Variants in ADH1C observed in about 807,000 individuals in gnomAD.
ADH1C encodes alcohol dehydrogenase 1C.
Under a neutral mutation model 35.0 loss-of-function variants are expected in ADH1C, and 26 were observed. That is an observed-to-expected ratio of 0.74 (90% CI 0.54 to 1.03). The LOEUF is 1.03. Among genes scored for constraint, ADH1C ranks in the 50% least tolerant of loss-of-function variants. The pLI, the probability that ADH1C is intolerant of heterozygous loss-of-function variation, is 0.00. For synonymous variants in ADH1C, 170 were observed against 169.3 expected (o/e 1.00, Z -0.03); for missense variants, 413 against 465.4 (o/e 0.89, Z 1.04).
rs1428082901 is a variant in ADH1C at position 99,352,728 on chromosome 4, C to A, written c.-53G>T. On this transcript the variant is annotated 5_prime_UTR_variant, in exon 1 of 9. An upstream open reading frame in the 5' UTR gains an earlier in-frame stop. Transcript: ENST00000515683. ...GAGGCTGGTGAGTACTTGTGGATTT[C>A]TTCTCTGCTTGAGTGCATAAAGCAG... 22 of 1,592,530 alleles carry A rather than the reference C, an allele frequency of 1.4e-5. No individual in the cohort carries two copies. The East Asian group carries it at 4.7e-4, about 34-fold the overall frequency.
At chr4:99,345,339 A>C in intron 3 of ADH1C, 73 bp from the exon 4 acceptor site, 1 of 1,388,776 alleles carries the variant, frequency 7.2e-7, no homozygotes, top group Non-Finnish European at 1.0e-6. Context: ...TAACGCTCAC[A>C]TGTATAGATT....
intron 1 of ADH1C, among the ~76,000 whole-genome samples, chr4:99,350,480 G>A (rs887383818): frequency 6.6e-5 from 10 of 152,084 alleles, no homozygotes; most frequent in Non-Finnish European, 1.3e-4. Flanking sequence ...TTATAAGTGA[G>A]ACCATATGGT....
intron 2 of ADH1C, among the ~76,000 whole-genome samples, chr4:99,347,419 T>TA (rs1171092061): frequency 6.6e-6 from 1 of 152,138 alleles, no homozygotes; most frequent in Non-Finnish European, 1.5e-5. Context: ...AATGCATAGT[T>TA]AAAAGAAAAA....
chr4:99,348,304 G>A (rs1263749346), intron 1 of ADH1C, among the ~76,000 whole-genome samples: 1 of 130,218 alleles, frequency 7.7e-6, no homozygotes, highest in Non-Finnish European at 1.6e-5. Context: ...AGTCCCCAGA[G>A]TGTGATATTC....
intron 5 of ADH1C, 143 bp from the exon 6 acceptor site, chr4:99,343,198 G>C: frequency 8.1e-7 from 1 of 1,233,280 alleles, no homozygotes; most frequent in South Asian, 1.5e-5. Flanking sequence ...GTTTTGGCTT[G>C]AAATGCTTCA....
rs200097102 is a variant in ADH1C at position 99,338,393 on chromosome 4, T to A, written c.1103+1184A>T. ...TAATTAACCTTTGATGAATACTGTT[T>A]TCTATATATATATATATATATATAT... On this transcript the variant is annotated intron_variant, in intron 8 of 8. Transcript: ENST00000515683. Among the ~76,000 whole-genome samples the A allele has an allele frequency of 3.6e-3, 260 of 73,058 alleles. 49 individuals carry two copies. In the East Asian group the frequency reaches 0.088, roughly 25 times the overall value. The allele number at this position is 73,058 out of a possible 152,430, so 47.9% of individuals were successfully genotyped here. A position where few individuals can be genotyped will look rare whatever the true frequency, so the allele number is the denominator to read the frequency against.
chr4:99,348,505 T>C (rs1265898333), intron 1 of ADH1C, among the ~76,000 whole-genome samples: 6 of 150,696 alleles, frequency 4.0e-5, no homozygotes, highest in African/African-American at 7.3e-5. Context: ...ATGTGCCACA[T>C]TTTCTTAATC....
chr4:99,347,370 T>G (rs1354488228), intron 2 of ADH1C, among the ~76,000 whole-genome samples: 2 of 152,214 alleles, frequency 1.3e-5, no homozygotes, highest in African/African-American at 4.8e-5. Context: ...ATCTGTGAGA[T>G]AATTGATCCT....
chr4:99,343,107 G>A, intron 5 of ADH1C, 52 bp from the exon 6 acceptor site: 2 of 1,591,598 alleles, frequency 1.3e-6, no homozygotes. Flanking sequence ...GTTAGAAATT[G>A]CTTAAGCTTT....
intron 8 of ADH1C, 116 bp downstream of exon 8, chr4:99,339,461 G>T (rs577187478): frequency 8.4e-6 from 8 of 956,922 alleles, no homozygotes; most frequent in Admixed American, 3.2e-5. Context: ...GAAAACCAAG[G>T]CACTGTAATT....
chr4:99,338,391 TTTTCTATATATA>T lies in ADH1C; in HGVS notation c.1103+1174_1103+1185del, dbSNP rs1173818849. 1.5e-4 allele frequency among the ~76,000 whole-genome samples: 4 copies of T among 27,148 alleles called. No individual in the cohort carries two copies. In the East Asian group the frequency reaches 3.4e-3, roughly 23 times the overall value. 17.8% of individuals were successfully genotyped at this position (27,148 alleles called of 152,430 possible). ...GATAATTAACCTTTGATGAATACTGTTTTCTATATATATATATATATATATATATATATATAT... is the reference window on the plus strand; with the variant it reads ...GATAATTAACCTTTGATGAATACTGTTATATATATATATATATATATATAT... On this transcript the variant is annotated intron_variant, in intron 8 of 8. Transcript: ENST00000515683.
intron 8 of ADH1C, 63 bp downstream of exon 8, chr4:99,339,510 ACGCC>A (rs66502432): frequency 0.22 from 193,115 of 885,562 alleles, 40,099 homozygotes; most frequent in Admixed American, 0.27. Flanking sequence ...CTGCTAGACA[ACGCC>A]CCCCCCCCCC....
chr4:99,352,521 GAT>G, intron 1 of ADH1C, 135 bp downstream of exon 1: 1 of 603,702 alleles, frequency 1.7e-6, no homozygotes, highest in East Asian at 3.2e-5. Flanking sequence ...TTCTAATTTA[GAT>G]ATGAATTTTA....
intron 7 of ADH1C, 66 bp downstream of exon 7, chr4:99,340,509 G>T: frequency 6.4e-7 from 1 of 1,554,304 alleles, no homozygotes; most frequent in Non-Finnish European, 8.7e-7. Flanking sequence ...AACTTGCCTT[G>T]TCACTCATAA....
chr4:99,345,140 A>G (rs1734501566), intron 4 of ADH1C, 39 bp downstream of exon 4: 2 of 1,613,852 alleles, frequency 1.2e-6, no homozygotes, highest in Non-Finnish European at 8.5e-7. Context: ...ACTAATGTGC[A>G]AACTCAAAGT....
intron 5 of ADH1C, among the ~76,000 whole-genome samples, chr4:99,344,205 T>A (rs1311651311): frequency 1.3e-5 from 2 of 152,226 alleles, no homozygotes; most frequent in Admixed American, 1.3e-4. Flanking sequence ...ACTACTAGAT[T>A]TTCAGTCTAC....
At chr4:99,341,041 G>C (rs956282191) in intron 6 of ADH1C, among the ~76,000 whole-genome samples, 2 of 152,202 alleles carry the variant, frequency 1.3e-5, no homozygotes, top group Non-Finnish European at 2.9e-5. Context: ...GGCAATGTGT[G>C]AGTTGGTTCC....
At chr4:99,338,427 A>ACAC in intron 8 of ADH1C, among the ~76,000 whole-genome samples, 3 of 81,410 alleles carry the variant, frequency 3.7e-5, no homozygotes, top group African/African-American at 1.4e-4. Flanking sequence ...ATATATATAT[A>ACAC]TATATATATA....
chr4:99,338,127 T>A (rs1248017721), intron 8 of ADH1C, among the ~76,000 whole-genome samples: 1 of 151,636 alleles, frequency 6.6e-6, no homozygotes, highest in Non-Finnish European at 1.5e-5. Context: ...TATGAAAGTA[T>A]ATGAAAGCAT....
Sources: gnomAD v4.1 joint callset for allele counts (sites outside exome capture counted in the v4.1 genomes callset) on GRCh38, gnomAD v4.1.1 for gene constraint, MANE v1.5 for transcripts, NCBI Gene and HGNC (gene_info 2026-07-23, HGNC 2026-07-21) for gene names.